Variants in ZBTB20 observed in about 807,000 individuals in gnomAD.
ZBTB20 encodes zinc finger and BTB domain-containing protein 20.
Under a neutral mutation model 56.9 loss-of-function variants are expected in ZBTB20, and 9 were observed. The ratio of observed to expected loss-of-function variants is 0.16; its 90% confidence interval spans 0.10 to 0.28. ZBTB20 has a LOEUF of 0.28. Ranked by LOEUF, ZBTB20 falls within the 10% of genes least tolerant of loss-of-function variation. The pLI is 1.00. For missense variants in ZBTB20, 655 were observed against 1,003.0 expected (o/e 0.65, Z 4.69); for synonymous variants, 417 against 420.7 (o/e 0.99, Z 0.11).
chr3:114,843,604 A>G (rs1447727545), intron 4 of ZBTB20, among the ~76,000 whole-genome samples: 1 of 152,148 alleles, frequency 6.6e-6, no homozygotes, highest in Non-Finnish European at 1.5e-5. Flanking sequence ...CCTGGCCTCA[A>G]GTGATCCTCC....
intron 7 of ZBTB20, among the ~76,000 whole-genome samples, chr3:114,406,075 AACAAAG>A (rs1238629854): frequency 6.6e-6 from 1 of 152,046 alleles, no homozygotes; most frequent in Non-Finnish European, 1.5e-5. Context: ...AAATTGTCTT[AACAAAG>A]TGCACTTTTG....
chr3:114,781,916 C>A (rs775813719), intron 5 of ZBTB20, among the ~76,000 whole-genome samples: 1 of 152,180 alleles, frequency 6.6e-6, no homozygotes, highest in Non-Finnish European at 1.5e-5. Flanking sequence ...TGAGGTCTAC[C>A]CAGCCACGTG....
intron 5 of ZBTB20, among the ~76,000 whole-genome samples, chr3:114,773,428 T>C (rs1291530081): frequency 2.6e-5 from 4 of 152,114 alleles, no homozygotes; most frequent in African/African-American, 7.2e-5. Context: ...ACCACTACTA[T>C]GAAAAAAGAA....
chr3:114,970,216 A>T (rs575188341), intron 3 of ZBTB20, among the ~76,000 whole-genome samples: 2 of 152,310 alleles, frequency 1.3e-5, no homozygotes, highest in South Asian at 4.1e-4. Flanking sequence ...ATTTTCCTTA[A>T]TTCTGAAATT....
chr3:114,546,251 T>G (rs1224766334), intron 6 of ZBTB20, among the ~76,000 whole-genome samples: 1 of 152,154 alleles, frequency 6.6e-6, no homozygotes, highest in African/African-American at 2.4e-5. Flanking sequence ...GCAGCCTGGG[T>G]GGGCATGCTT....
At chr3:115,024,367 G>A (rs909784337) in intron 2 of ZBTB20, among the ~76,000 whole-genome samples, 2 of 150,950 alleles carry the variant, frequency 1.3e-5, no homozygotes, top group African/African-American at 4.8e-5. Flanking sequence ...AATATAAATT[G>A]ATAAGGCCCA....
At chr3:114,956,937 G>A (rs906373882) in intron 3 of ZBTB20, among the ~76,000 whole-genome samples, 3 of 152,124 alleles carry the variant, frequency 2.0e-5, no homozygotes, top group Non-Finnish European at 4.4e-5. Context: ...CAGCAACATA[G>A]AGGCAGCTTT....
chr3:114,894,459 C>G (rs1331272295), intron 4 of ZBTB20, among the ~76,000 whole-genome samples: 1 of 151,850 alleles, frequency 6.6e-6, no homozygotes, highest in Non-Finnish European at 1.5e-5. Context: ...TTCCCCAACC[C>G]CTCCAAAAAA....
At chr3:114,604,685 C>A (rs1388632795) in intron 6 of ZBTB20, among the ~76,000 whole-genome samples, 1 of 151,986 alleles carries the variant, frequency 6.6e-6, no homozygotes, top group African/African-American at 2.4e-5. Context: ...GTAAAAAAAA[C>A]TTGGCAGTTT....
intron 6 of ZBTB20, among the ~76,000 whole-genome samples, chr3:114,576,147 T>C (rs1468624260): frequency 2.6e-5 from 4 of 152,144 alleles, no homozygotes; most frequent in Non-Finnish European, 5.9e-5. Context: ...CCAAAATAAG[T>C]AACCCTGTTA....
chr3:114,823,865 T>C (rs1463775791), intron 4 of ZBTB20, among the ~76,000 whole-genome samples: 1 of 152,046 alleles, frequency 6.6e-6, no homozygotes, highest in Non-Finnish European at 1.5e-5. Context: ...CCATACGTGA[T>C]TAAAACACAT....
At chr3:115,103,952 C>T (rs972428716) in intron 1 of ZBTB20, among the ~76,000 whole-genome samples, 10 of 152,116 alleles carry the variant, frequency 6.6e-5, no homozygotes, top group African/African-American at 2.4e-4. Context: ...AGATGCATCT[C>T]ATAAAGGACT....
chr3:115,023,958 T>A (rs1231579313), intron 2 of ZBTB20, among the ~76,000 whole-genome samples: 1 of 151,208 alleles, frequency 6.6e-6, no homozygotes, highest in African/African-American at 2.4e-5. Flanking sequence ...TACTTCAAAG[T>A]TAAATGTATT....
intron 3 of ZBTB20, among the ~76,000 whole-genome samples, chr3:114,921,905 G>A (rs2075975210): frequency 6.6e-6 from 1 of 151,950 alleles, no homozygotes; most frequent in Non-Finnish European, 1.5e-5. Context: ...TACAAGAAAA[G>A]AAAATTACAG....
chr3:115,003,428 TTTTG>T (rs1444227029), intron 2 of ZBTB20, among the ~76,000 whole-genome samples: 5 of 151,458 alleles, frequency 3.3e-5, no homozygotes, highest in South Asian at 2.1e-4. Flanking sequence ...TTTGTTTGTT[TTTTG>T]TTTGTTTGTT....
intron 4 of ZBTB20, among the ~76,000 whole-genome samples, chr3:114,874,819 A>G (rs1237434116): frequency 6.6e-6 from 1 of 152,166 alleles, no homozygotes; most frequent in African/African-American, 2.4e-5. Context: ...GCCAACTACA[A>G]TAAGTTGTTT....
Position 114,593,386 on chromosome 3 carries a change from T to TC in ZBTB20, c.-294-92996_-294-92995insG, listed in dbSNP as rs200860331. Among the ~76,000 whole-genome samples the TC allele has an allele frequency of 3.7e-4, 52 of 139,702 alleles. 1 individual carries two copies. The highest frequency in any genetic ancestry group is 7.2e-4 in the Admixed American group (8 of 11,058). 91.6% of individuals were successfully genotyped at this position (139,702 alleles called of 152,430 possible). The stretch of plus-strand genomic sequence containing the variant: ...ATTTTTTTGTTCTTTTTTCTTTTCT[T>TC]TTTTTTTTTTTTTTTGAGACGGAGT... On this transcript the variant is annotated intron_variant, in intron 6 of 11. Transcript: ENST00000675478.
intron 5 of ZBTB20, among the ~76,000 whole-genome samples, chr3:114,709,312 C>T (rs1276629558): frequency 6.6e-6 from 1 of 152,008 alleles, no homozygotes; most frequent in African/African-American, 2.4e-5. Context: ...TCTTACTCAC[C>T]CCTACACCCA....
At chr3:115,018,037 G>GTT (rs2080045314) in intron 2 of ZBTB20, among the ~76,000 whole-genome samples, 1 of 151,172 alleles carries the variant, frequency 6.6e-6, no homozygotes, top group Non-Finnish European at 1.5e-5. Context: ...TTTTGTTGTT[G>GTT]TTTTTTTAAT....
Sources: allele counts gnomAD v4.1 joint callset (sites outside exome capture counted in the v4.1 genomes callset), GRCh38; gene constraint gnomAD v4.1.1; transcripts MANE v1.5; gene names NCBI Gene and HGNC (gene_info 2026-07-23, HGNC 2026-07-21).